The following LGSN variants were observed in gnomAD, a reference collection of about 807,000 sequenced individuals.
LGSN encodes lengsin.
A neutral mutation model predicts 19.5 loss-of-function variants in LGSN; 21 were observed. The ratio of observed to expected loss-of-function variants is 1.07; its 90% CI spans 0.76 to 1.55. The LOEUF is 1.55. LGSN is among the 40% of genes most tolerant of loss of function. The pLI is 0.00. For missense variants in LGSN, 673 were observed against 608.5 expected (o/e 1.11, Z -1.12); for synonymous variants, 257 against 215.6 (o/e 1.19, Z -1.68).
At chr6:63,317,832 G>A (rs531511343) in intron 1 of LGSN, among the ~76,000 whole-genome samples, 12 of 152,270 alleles carry the variant, frequency 7.9e-5, no homozygotes, top group South Asian at 4.1e-4. Context: ...ATATGGAAAC[G>A]TCAGAACTGT....
the LGSN span, among the ~76,000 whole-genome samples, chr6:63,370,723 T>C: frequency 2.0e-5 from 3 of 152,214 alleles, no homozygotes; most frequent in African/African-American, 7.2e-5. Flanking sequence ...GTAAGCATTC[T>C]GCTTGCCAAG....
the LGSN span, among the ~76,000 whole-genome samples, chr6:63,487,066 T>G: frequency 6.6e-6 from 1 of 151,940 alleles, no homozygotes; most frequent in Admixed American, 6.6e-5. Context: ...AACTCCTGAC[T>G]TCAAGTGATC....
At chr6:63,481,419 T>C in the LGSN span, among the ~76,000 whole-genome samples, 1 of 151,724 alleles carries the variant, frequency 6.6e-6, no homozygotes, top group African/African-American at 2.4e-5. Context: ...CTCGGCTCAC[T>C]GCAACCTCTA....
chr6:63,549,498 C>A, the LGSN span: 1 of 767,210 alleles, frequency 1.3e-6, no homozygotes, highest in East Asian at 2.6e-5. Flanking sequence ...GGCCTTCTTT[C>A]CTTTCGGCAG....
the LGSN span, among the ~76,000 whole-genome samples, chr6:63,366,174 G>T: frequency 6.6e-6 from 1 of 152,306 alleles, no homozygotes; most frequent in African/African-American, 2.4e-5. Context: ...TGACATGATT[G>T]TATATTTAGA....
In LGSN at chr6:63,295,064, C is replaced by G; in HGVS notation, c.31-19G>C. On this transcript the variant is annotated intron_variant, in intron 1 of 3. Coordinates refer to ENST00000370657, the MANE Select transcript of LGSN (RefSeq NM_016571.3). ...TTGAGTCCTGTTGATAATTAATAAA[C>G]AAAAAGCCAAATAACAGATTATTCA... The G allele has an allele frequency of 6.2e-7, 1 of 1,606,174 alleles. No individual in the cohort carries two copies. The highest frequency in any genetic ancestry group is 8.5e-7 in the Non-Finnish European group (1 of 1,174,046).
At chr6:63,494,358 T>C in the LGSN span, among the ~76,000 whole-genome samples, 1 of 152,080 alleles carries the variant, frequency 6.6e-6, no homozygotes, top group African/African-American at 2.4e-5. Flanking sequence ...ATATAAAATA[T>C]ATAAGCAGAA....
At chr6:63,344,122 A>T in the LGSN span, among the ~76,000 whole-genome samples, 10 of 152,218 alleles carry the variant, frequency 6.6e-5, no homozygotes, top group Admixed American at 6.5e-4. Context: ...AGACCCTAAA[A>T]GAAGAAAACT....
chr6:63,476,584 A>G, the LGSN span, among the ~76,000 whole-genome samples: 1 of 152,200 alleles, frequency 6.6e-6, no homozygotes, highest in African/African-American at 2.4e-5. Flanking sequence ...AACTGGAGCT[A>G]TTAACTCAAG....
the LGSN span, among the ~76,000 whole-genome samples, chr6:63,469,751 A>G: frequency 6.6e-6 from 1 of 152,160 alleles, no homozygotes; most frequent in Non-Finnish European, 1.5e-5. Flanking sequence ...TTTGAAACGG[A>G]GTTTCAATCT....
At chr6:63,364,263 C>CA in the LGSN span, among the ~76,000 whole-genome samples, 142 of 143,628 alleles carry the variant, frequency 9.9e-4, 1 homozygote, top group Admixed American at 5.3e-3. Flanking sequence ...AACAAACAAA[C>CA]AAAAAAAAAA....
the LGSN span, among the ~76,000 whole-genome samples, chr6:63,358,967 GT>G: frequency 6.6e-6 from 1 of 152,108 alleles, no homozygotes; most frequent in Non-Finnish European, 1.5e-5. Context: ...TTGGCTGTGG[GT>G]TTGTCATAAA....
the LGSN span, among the ~76,000 whole-genome samples, chr6:63,338,398 G>A: frequency 6.6e-6 from 1 of 152,088 alleles, no homozygotes; most frequent in Non-Finnish European, 1.5e-5. Flanking sequence ...GAACCTCAGG[G>A]ATTTTTTATT....
chr6:63,344,460 A>G, the LGSN span, among the ~76,000 whole-genome samples: 3 of 152,224 alleles, frequency 2.0e-5, no homozygotes, highest in East Asian at 5.8e-4. Flanking sequence ...GTGCTCCTCT[A>G]CAAAGAAAGT....
chr6:63,498,609 C>T, the LGSN span, among the ~76,000 whole-genome samples: 9 of 152,052 alleles, frequency 5.9e-5, no homozygotes, highest in Non-Finnish European at 1.0e-4. Flanking sequence ...AACCCAAAAC[C>T]CAAAACTTGT....
At chr6:63,526,010 A>T in the LGSN span, among the ~76,000 whole-genome samples, 1 of 152,160 alleles carries the variant, frequency 6.6e-6, no homozygotes, top group African/African-American at 2.4e-5. Flanking sequence ...AGGAGTTTCA[A>T]CCACTATATT....
At chr6:63,336,925 T>G in the LGSN span, among the ~76,000 whole-genome samples, 1 of 147,834 alleles carries the variant, frequency 6.8e-6, no homozygotes, top group African/African-American at 2.5e-5. Context: ...TTCCTTTCTT[T>G]TCTTTTCTTT....
chr6:63,326,822 A>G, the LGSN span, among the ~76,000 whole-genome samples: 1 of 151,694 alleles, frequency 6.6e-6, no homozygotes, highest in Non-Finnish European at 1.5e-5. Flanking sequence ...CCCAGTTCCA[A>G]CTCACGCCTC....
the LGSN span, among the ~76,000 whole-genome samples, chr6:63,411,014 G>A: frequency 6.6e-5 from 10 of 152,232 alleles, no homozygotes; most frequent in Non-Finnish European, 1.0e-4. Context: ...TGAGTTAGTA[G>A]GAAATGTAAA....
Sources: gnomAD v4.1 joint callset for allele counts (sites outside exome capture counted in the v4.1 genomes callset) on GRCh38, gnomAD v4.1.1 for gene constraint, MANE v1.5 for transcripts, NCBI Gene and HGNC (gene_info 2026-07-23, HGNC 2026-07-21) for gene names.